Variants in TP53BP1 observed in about 807,000 individuals in gnomAD.
The protein encoded by TP53BP1 is tumor protein p53 binding protein 1, also known as TP53-binding protein 1.
Under a neutral mutation model 200.8 loss-of-function variants are expected in TP53BP1, and 61 were observed. That is an observed-to-expected ratio of 0.30 (90% confidence interval 0.25 to 0.38). The LOEUF (loss-of-function observed/expected upper bound fraction) is 0.38, where lower values mean the gene tolerates loss of function less well. Among genes scored for constraint, TP53BP1 ranks in the 10% least tolerant of loss-of-function variants. The pLI, the probability that TP53BP1 is intolerant of heterozygous loss-of-function variation, is 1.00. For missense variants in TP53BP1, 2,144 were observed against 2,371.9 expected, an observed-to-expected ratio of 0.90 and a Z score of 2.00; for synonymous variants, 822 against 844.3, an observed-to-expected ratio of 0.97 and a Z score of 0.46.
chr15:43,483,340 T>C (rs1361007871), intron 4 of TP53BP1, among the ~76,000 whole-genome samples: 3 of 152,166 alleles, frequency 2.0e-5, no homozygotes, highest in African/African-American at 7.2e-5. Flanking sequence ...TTGGGGAATA[T>C]GTTAAGTTTT....
intron 15 of TP53BP1, 61 bp from the exon 16 acceptor site, chr15:43,438,477 T>C: frequency 7.2e-7 from 1 of 1,389,544 alleles, no homozygotes; most frequent in Non-Finnish European, 1.0e-6. Flanking sequence ...CTTTTGGAGA[T>C]TATCCTTTTA....
intron 15 of TP53BP1, among the ~76,000 whole-genome samples, chr15:43,438,674 G>A (rs2045855188): frequency 9.3e-6 from 1 of 107,838 alleles, no homozygotes; most frequent in Non-Finnish European, 1.7e-5. Context: ...AATCCAGAAT[G>A]TAGAAAACCA....
Position 43,407,551 on chromosome 15 carries a change from A to T in TP53BP1, c.5766T>A (p.Phe1922Leu). 1 of 1,613,884 alleles carries T rather than the reference A, an allele frequency of 6.2e-7. No individual in the cohort carries two copies. The highest frequency in any genetic ancestry group is 8.5e-7 in the Non-Finnish European group (1 of 1,179,868). Residue 1922 changes from phenylalanine (F) to leucine (L), a missense_variant, in exon 28 of 28, where the codon TTT becomes TTA. By Grantham distance (22) the Phe-to-Leu change is conservative. Coordinates refer to ENST00000382044, the MANE Select transcript of TP53BP1 (RefSeq NM_001141980.3). Reference sequence around the variant, plus strand: ...ATGAGGGGTCCGTCACCACCACATCAAATACCCCTAAAGCAATATCTGCAA... The same window carrying T: ...ATGAGGGGTCCGTCACCACCACATCTAATACCCCTAAAGCAATATCTGCAA... The part of the protein sequence containing the change: ...AHNKDIALGV[F>L]DVVVTDPSCP...
chr15:43,487,522 G>C (rs566366952), intron 4 of TP53BP1, among the ~76,000 whole-genome samples: 86 of 152,282 alleles, frequency 5.6e-4, no homozygotes, highest in African/African-American at 2.0e-3. Flanking sequence ...GCCGGGCACA[G>C]TGACTCACAC....
chr15:43,457,450 T>G (rs2046327625), intron 11 of TP53BP1, among the ~76,000 whole-genome samples: 1 of 151,848 alleles, frequency 6.6e-6, no homozygotes. Flanking sequence ...ACGTACTCAT[T>G]TTACTTCACG....
At position 43,457,036 on chromosome 15, in the gene TP53BP1, T is replaced by C. The variant is rs1566945929; in HGVS notation, c.1572A>G (p.Thr524=). 1 of 1,614,208 alleles carries C rather than the reference T, an allele frequency of 6.2e-7. No individual in the cohort carries two copies. The highest frequency in any genetic ancestry group is 8.5e-7 in the Non-Finnish European group (1 of 1,180,028). The part of the protein sequence containing the change: ...TGDSCKLMLS[T]SEYSQSPKME... The stretch of plus-strand genomic sequence containing the variant: ...TCTTTGGGGACTGACTATATTCACT[T>C]GTAGAAAGCATCAACTTGCAAGAAT... Residue 524 remains threonine (T), a synonymous_variant, in exon 12 of 28, where the codon ACA becomes ACG. Coordinates refer to ENST00000382044, the MANE Select transcript of TP53BP1 (RefSeq NM_001141980.3).
chr15:43,417,987 C>T (rs916716259), intron 21 of TP53BP1, among the ~76,000 whole-genome samples: 2 of 151,708 alleles, frequency 1.3e-5, no homozygotes, highest in African/African-American at 4.8e-5. Flanking sequence ...CAAGACCAGC[C>T]TGACCAAGAT....
intron 21 of TP53BP1, among the ~76,000 whole-genome samples, chr15:43,419,064 A>C (rs1054317532): frequency 6.6e-6 from 1 of 152,178 alleles, no homozygotes; most frequent in Non-Finnish European, 1.5e-5. Flanking sequence ...CACTAAAAAT[A>C]CAAAAATTAG....
chr15:43,420,654 G>T lies in TP53BP1; in HGVS notation c.4332C>A (p.Val1444=), dbSNP rs33916441. Reference sequence around the variant, plus strand: ...TGGTGGAGTCTGGCACTCGGGGCACGACACGGCTGAAGGATTTATCATCTG... The same window carrying T: ...TGGTGGAGTCTGGCACTCGGGGCACTACACGGCTGAAGGATTTATCATCTG... The part of the protein sequence containing the change: ...LSPDDKSFSR[V]VPRVPDSTRR... Residue 1444 remains valine, a synonymous_variant, in exon 21 of 28, where the codon GTC becomes GTA. Coordinates refer to ENST00000382044, the MANE Select transcript of TP53BP1 (RefSeq NM_001141980.3). 15 of 1,614,064 alleles carry T rather than the reference G, an allele frequency of 9.3e-6. No individual in the cohort carries two copies. Among genetic ancestry groups the T allele is most frequent in the Middle Eastern group, 1.6e-4 (1 of 6,084 alleles).
In TP53BP1 at chr15:43,409,635, G is replaced by C; in HGVS notation, c.5400+12C>G. On this transcript the variant is annotated intron_variant, in intron 25 of 27. Transcript: ENST00000382044. ...TTGCCACTATATTAGGTTACACAAA[G>C]AAACTCCTCACCTGGGCTTCATTGA... 6.7e-7 allele frequency: 1 copy of C among 1,484,492 alleles called. No homozygotes were observed. Among genetic ancestry groups the C allele is most frequent in the South Asian group, 1.3e-5 (1 of 74,814 alleles). The allele number at this position is 1,484,492 out of a possible 1,614,324, so 92.0% of individuals were successfully genotyped here.
Position 43,456,791 on chromosome 15 carries a change from G to C in TP53BP1, c.1817C>G (p.Ala606Gly), listed in dbSNP as rs2046308782. The C allele has an allele frequency of 2.5e-6, 4 of 1,613,924 alleles. No homozygotes were observed. The highest frequency in any genetic ancestry group is 3.4e-6 in the Non-Finnish European group (4 of 1,180,036). Residue 606 changes from alanine to glycine, a missense_variant, in exon 12 of 28, where the codon GCC becomes GGC. This residue lies in a region of TP53BP1 where 1,700 missense variants were observed against 1,710.3 expected (regional missense o/e 0.99). Coordinates refer to ENST00000382044, the MANE Select transcript of TP53BP1 (RefSeq NM_001141980.3). ...TTCTTCTCTGCCCTTGCAACCAGTG[G>C]CTAAAATACTAATGTCATCCCTGGT... is the stretch of plus-strand genomic sequence containing the variant. Reference protein sequence around the residue: ...TDTRDDISILATGCKGREETV... With the variant: ...TDTRDDISILGTGCKGREETV...
At chr15:43,476,122 G>A (rs529968289) in intron 8 of TP53BP1, among the ~76,000 whole-genome samples, 3 of 152,222 alleles carry the variant, frequency 2.0e-5, no homozygotes, top group East Asian at 3.9e-4. Flanking sequence ...AAAATTAGCT[G>A]GGCGTGGTGG....
chr15:43,404,670 TTAGAGA>T lies in TP53BP1; in HGVS notation c.*2707_*2712del. The T allele has an allele frequency of 9.1e-7, 1 of 1,095,368 alleles. No homozygotes were observed. The highest frequency in any genetic ancestry group is 1.3e-6 in the Non-Finnish European group (1 of 762,296). The allele number at this position is 1,095,368 out of a possible 1,614,324, so 67.9% of individuals were successfully genotyped here. ...AATACCCTCATTTTATAAGTAAGGC[TTAGAGA>T]TAGAGGTGTGACCATCTTTAATAAT... On this transcript the variant is annotated 3_prime_UTR_variant, in exon 28 of 28. Transcript: ENST00000382044.
At chr15:43,480,849 AG>A in intron 5 of TP53BP1, 45 bp downstream of exon 5, 1 of 1,603,842 alleles carries the variant, frequency 6.2e-7, no homozygotes, top group Non-Finnish European at 8.5e-7. Context: ...ATCATGTTAA[AG>A]GGAAGTTAGA....
upstream of TP53BP1, among the ~76,000 whole-genome samples, chr15:43,495,816 C>CAA (rs1180419642): frequency 1.8e-5 from 1 of 55,836 alleles, no homozygotes; most frequent in Non-Finnish European, 3.7e-5. Flanking sequence ...GACCCCGTCT[C>CAA]AAAAAAAAAA....
At chr15:43,466,978 A>G (rs1002677694) in intron 11 of TP53BP1, among the ~76,000 whole-genome samples, 1 of 152,202 alleles carries the variant, frequency 6.6e-6, no homozygotes, top group Admixed American at 6.5e-5. Flanking sequence ...TGTTTTAACT[A>G]TCTGACTTAT....
intron 18 of TP53BP1, among the ~76,000 whole-genome samples, chr15:43,426,880 C>T (rs1346120167): frequency 1.3e-5 from 2 of 151,380 alleles, no homozygotes; most frequent in East Asian, 1.9e-4. Flanking sequence ...TAGCCAGGCA[C>T]GGTGGCGGGT....
intron 26 of TP53BP1, chr15:43,408,606 G>C (rs774026240): frequency 2.1e-5 from 8 of 373,448 alleles, no homozygotes; most frequent in African/African-American, 4.1e-5. Flanking sequence ...TCCAAATCAT[G>C]CTCCTGAGCC....
intron 1 of TP53BP1, among the ~76,000 whole-genome samples, chr15:43,509,942 A>G (rs950902299): frequency 1.3e-5 from 2 of 152,180 alleles, no homozygotes; most frequent in African/African-American, 4.8e-5. Flanking sequence ...CATGTACAGA[A>G]TGATTCGGTA....
Sources: allele counts gnomAD v4.1 joint callset (sites outside exome capture counted in the v4.1 genomes callset), GRCh38; gene constraint gnomAD v4.1.1; regional missense constraint gnomAD v4.1.1; transcripts MANE v1.5; gene names NCBI Gene and HGNC (gene_info 2026-07-23, HGNC 2026-07-21).